The following SLC39A11 variants were observed in gnomAD, a reference collection of about 807,000 sequenced individuals.
The protein encoded by SLC39A11 is zinc transporter ZIP11.
In SLC39A11, 33 loss-of-function variants were observed where a neutral mutation model predicts 36.1. The observed-to-expected ratio is 0.91, with a 90% confidence interval of 0.69 to 1.22. SLC39A11 has a LOEUF of 1.22. Among genes scored for constraint, SLC39A11 ranks in the 50% most tolerant of loss-of-function variants. The probability of loss-of-function intolerance (pLI) is 0.00; values close to 1 mark genes in which losing one functional copy is unlikely to be tolerated. For synonymous variants in SLC39A11, 166 were observed against 170.3 expected, an observed-to-expected ratio of 0.97 and a Z score of 0.20; for missense variants, 432 against 430.3, an observed-to-expected ratio of 1.00 and a Z score of -0.03.
At chr17:72,994,118 T>G (rs1008265125) in intron 4 of SLC39A11, among the ~76,000 whole-genome samples, 7 of 152,142 alleles carry the variant, frequency 4.6e-5, no homozygotes, top group African/African-American at 1.7e-4. Context: ...CTTTTCTTCA[T>G]AAAAATCCTG....
chr17:73,020,059 T>C (rs969408342), intron 4 of SLC39A11, among the ~76,000 whole-genome samples: 1 of 152,214 alleles, frequency 6.6e-6, no homozygotes, highest in African/African-American at 2.4e-5. Context: ...TCTCCTTCTA[T>C]CTAGAAAAGT....
chr17:73,018,786 C>A (rs1269176882), intron 4 of SLC39A11, among the ~76,000 whole-genome samples: 1 of 151,260 alleles, frequency 6.6e-6, no homozygotes, highest in Non-Finnish European at 1.5e-5. Flanking sequence ...CCCTGTCCAG[C>A]ATACAATAAA....
chr17:72,855,705 G>A (rs1031937006), intron 5 of SLC39A11, among the ~76,000 whole-genome samples: 2 of 151,706 alleles, frequency 1.3e-5, no homozygotes, highest in South Asian at 2.1e-4. Flanking sequence ...GACCATCCTG[G>A]CTAACACAGT....
At chr17:72,890,298 AC>A (rs1204459227) in intron 5 of SLC39A11, among the ~76,000 whole-genome samples, 3 of 146,712 alleles carry the variant, frequency 2.0e-5, no homozygotes, top group African/African-American at 7.5e-5. Flanking sequence ...AAAAAAAAAA[AC>A]CACCAGAGGC....
chr17:73,064,999 A>AG (rs2059956755), intron 3 of SLC39A11, among the ~76,000 whole-genome samples: 1 of 152,158 alleles, frequency 6.6e-6, no homozygotes, highest in Non-Finnish European at 1.5e-5. Context: ...TCTCAGTCAA[A>AG]GTGTCTTTAT....
chr17:73,010,419 C>T (rs1208792372), intron 4 of SLC39A11, among the ~76,000 whole-genome samples: 2 of 152,078 alleles, frequency 1.3e-5, no homozygotes, highest in Non-Finnish European at 2.9e-5. Context: ...GAAACATAAC[C>T]CAGTAACTAA....
At chr17:73,091,586 T>C (rs1449339723) in intron 1 of SLC39A11, among the ~76,000 whole-genome samples, 4 of 150,024 alleles carry the variant, frequency 2.7e-5, no homozygotes, top group Non-Finnish European at 5.9e-5. Flanking sequence ...TTCTGCAGAG[T>C]CTCAAGAGAA....
At chr17:72,973,095 GTCCTT>G (rs749559812) in intron 4 of SLC39A11, among the ~76,000 whole-genome samples, 15 of 151,168 alleles carry the variant, frequency 9.9e-5, no homozygotes, top group Non-Finnish European at 2.1e-4. Context: ...CCTTCTGCTT[GTCCTT>G]TCCTTAGGAA....
intron 4 of SLC39A11, among the ~76,000 whole-genome samples, chr17:72,948,924 A>G (rs2466523): frequency 0.82 from 124,645 of 151,862 alleles, 51,237 homozygotes; most frequent in Admixed American, 0.86. Flanking sequence ...CCCCAACCCC[A>G]CTGACCACTT....
At chr17:72,745,111 G>A (rs2074878110) in intron 6 of SLC39A11, among the ~76,000 whole-genome samples, 1 of 152,216 alleles carries the variant, frequency 6.6e-6, no homozygotes, top group Non-Finnish European at 1.5e-5. Flanking sequence ...CAGAGTGCTG[G>A]GATTACCGGC....
chr17:72,833,277 T>A (rs1034435881), intron 6 of SLC39A11, among the ~76,000 whole-genome samples: 1 of 152,246 alleles, frequency 6.6e-6, no homozygotes, highest in Non-Finnish European at 1.5e-5. Context: ...CGTCCTCTTT[T>A]GAAATGGATT....
chr17:72,675,556 A>T (rs1274035559), intron 7 of SLC39A11, among the ~76,000 whole-genome samples: 1 of 151,964 alleles, frequency 6.6e-6, no homozygotes, highest in African/African-American at 2.4e-5. Context: ...ATGACAAGAC[A>T]CTCTTGGAAG....
At chr17:72,970,237 T>G (rs2087339247) in intron 4 of SLC39A11, among the ~76,000 whole-genome samples, 1 of 152,218 alleles carries the variant, frequency 6.6e-6, no homozygotes, top group African/African-American at 2.4e-5. Context: ...TCTGCCTCCC[T>G]CCAGAAACAA....
At chr17:72,744,882 C>T (rs889385014) in intron 6 of SLC39A11, among the ~76,000 whole-genome samples, 2 of 152,170 alleles carry the variant, frequency 1.3e-5, no homozygotes, top group Non-Finnish European at 2.9e-5. Flanking sequence ...TGCTCTGTTG[C>T]CCAGGCTGGA....
intron 3 of SLC39A11, among the ~76,000 whole-genome samples, chr17:73,035,522 G>C (rs2058878007): frequency 6.6e-6 from 1 of 152,136 alleles, no homozygotes; most frequent in African/African-American, 2.4e-5. Flanking sequence ...CACCTTACAA[G>C]TAAAAAGGAC....
Position 72,647,055 on chromosome 17 carries a change from C to A in SLC39A11, c.*529G>T, listed in dbSNP as rs1598203115. 6.6e-6 allele frequency: 1 copy of A among 152,066 alleles called. No individual in the cohort carries two copies. The highest frequency in any genetic ancestry group is 2.1e-4 in the South Asian group (1 of 4,794). The allele number at this position is 152,066 out of a possible 1,614,324, so 9.4% of individuals were successfully genotyped here. A position where few individuals can be genotyped will look rare whatever the true frequency, so the allele number is the denominator to read the frequency against. On this transcript the variant is annotated 3_prime_UTR_variant, in exon 10 of 10. Coordinates refer to ENST00000255559, the MANE Select transcript of SLC39A11 (RefSeq NM_139177.4). The stretch of plus-strand genomic sequence containing the variant: ...GGGAGGTAAAGGAAGACATGCTCCT[C>A]TCTGGGCTGGCTCGGCCTTGGAAGG...
chr17:72,859,438 G>A (rs1294008581), intron 5 of SLC39A11, among the ~76,000 whole-genome samples: 1 of 151,538 alleles, frequency 6.6e-6, no homozygotes, highest in Admixed American at 6.6e-5. Flanking sequence ...ACCTGTATTT[G>A]AACTGACAAC....
intron 3 of SLC39A11, among the ~76,000 whole-genome samples, chr17:73,051,428 A>T (rs2059495091): frequency 6.6e-6 from 1 of 152,036 alleles, no homozygotes; most frequent in South Asian, 2.1e-4. Flanking sequence ...TTCCAACCCA[A>T]GGCAGACAGG....
intron 5 of SLC39A11, among the ~76,000 whole-genome samples, chr17:72,882,022 C>A (rs1422303253): frequency 1.3e-5 from 2 of 152,136 alleles, no homozygotes; most frequent in Non-Finnish European, 2.9e-5. Context: ...TTGAGCACTC[C>A]AGAATATGAC....
Sources: gnomAD v4.1 joint callset for allele counts (sites outside exome capture counted in the v4.1 genomes callset) on GRCh38, gnomAD v4.1.1 for gene constraint, MANE v1.5 for transcripts, NCBI Gene and HGNC (gene_info 2026-07-23, HGNC 2026-07-21) for gene names.